Variants in CTNND2 observed in about 807,000 individuals in gnomAD.
CTNND2 encodes catenin delta 2, also known as catenin delta-2.
Under a neutral mutation model 144.4 loss-of-function variants are expected in CTNND2, and 22 were observed. That is an observed-to-expected ratio of 0.15 (90% CI 0.11 to 0.22). CTNND2 has a LOEUF of 0.22. Ranked by LOEUF, CTNND2 falls within the 10% of genes least tolerant of loss-of-function variation. The pLI, the probability that CTNND2 is intolerant of heterozygous loss-of-function variation, is 1.00. For missense variants in CTNND2, 1,353 were observed against 1,618.8 expected, an observed-to-expected ratio of 0.84 and a Z score of 2.82; for synonymous variants, 751 against 695.6, an observed-to-expected ratio of 1.08 and a Z score of -1.25.
At chr5:11,279,866 G>T (rs1218506045) in intron 9 of CTNND2, among the ~76,000 whole-genome samples, 1 of 152,126 alleles carries the variant, frequency 6.6e-6, no homozygotes, top group Admixed American at 6.6e-5. Flanking sequence ...TAAATGTCCA[G>T]ATCTTGCAAG....
intron 3 of CTNND2, among the ~76,000 whole-genome samples, chr5:11,446,456 C>G (rs774709455): frequency 1.3e-5 from 2 of 152,176 alleles, no homozygotes; most frequent in Non-Finnish European, 2.9e-5. Context: ...TTGTACATCA[C>G]AGGATGCTCT....
chr5:11,750,894 T>C (rs935853096), intron 1 of CTNND2, among the ~76,000 whole-genome samples: 3 of 151,872 alleles, frequency 2.0e-5, no homozygotes, highest in African/African-American at 7.2e-5. Flanking sequence ...AAATGAACTA[T>C]GACTATGAAT....
chr5:11,256,792 G>C (rs1404692565), intron 9 of CTNND2, among the ~76,000 whole-genome samples: 2 of 152,078 alleles, frequency 1.3e-5, no homozygotes, highest in Admixed American at 6.5e-5. Flanking sequence ...TAAAAGAGTG[G>C]GCAACATCAG....
intron 11 of CTNND2, among the ~76,000 whole-genome samples, chr5:11,177,327 A>G (rs528358574): frequency 1.7e-4 from 26 of 152,350 alleles, no homozygotes; most frequent in African/African-American, 6.3e-4. Context: ...ATATTCAATT[A>G]TAAAATTCAA....
At chr5:11,389,695 C>T (rs1043387118) in intron 6 of CTNND2, among the ~76,000 whole-genome samples, 1 of 152,184 alleles carries the variant, frequency 6.6e-6, no homozygotes, top group East Asian at 1.9e-4. Flanking sequence ...AATTTACTCA[C>T]TGACTCAATA....
intron 2 of CTNND2, among the ~76,000 whole-genome samples, chr5:11,590,750 C>A (rs1410338844): frequency 6.6e-6 from 1 of 150,992 alleles, no homozygotes; most frequent in South Asian, 2.1e-4. Flanking sequence ...TACTTTGTAA[C>A]ATCCACTCCC....
At chr5:11,369,776 G>A in intron 7 of CTNND2, among the ~76,000 whole-genome samples, 1 of 150,878 alleles carries the variant, frequency 6.6e-6, no homozygotes, top group East Asian at 2.1e-4. Context: ...TGTGGTGTTG[G>A]GATAGGGGGA....
chr5:11,835,748 A>G, intron 1 of CTNND2, among the ~76,000 whole-genome samples: 1 of 152,154 alleles, frequency 6.6e-6, no homozygotes, highest in East Asian at 1.9e-4. Context: ...GATCATTCCA[A>G]TGATCCAGCT....
At chr5:11,827,533 C>T (rs751071340) in intron 1 of CTNND2, among the ~76,000 whole-genome samples, 19 of 152,014 alleles carry the variant, frequency 1.2e-4, no homozygotes, top group Non-Finnish European at 2.6e-4. Context: ...AAAATTGATA[C>T]ATCAGTAGAC....
chr5:11,714,031 T>C (rs1786199158), intron 2 of CTNND2, among the ~76,000 whole-genome samples: 1 of 152,194 alleles, frequency 6.6e-6, no homozygotes, highest in African/African-American at 2.4e-5. Context: ...AACTGTAAAT[T>C]ACATTCTATA....
intron 3 of CTNND2, among the ~76,000 whole-genome samples, chr5:11,427,520 T>C (rs1762889800): frequency 6.6e-6 from 1 of 152,096 alleles, no homozygotes; most frequent in African/African-American, 2.4e-5. Flanking sequence ...CCTCAAGCAA[T>C]CCACCTGCCT....
At chr5:11,434,665 G>T (rs1763599150) in intron 3 of CTNND2, among the ~76,000 whole-genome samples, 1 of 152,154 alleles carries the variant, frequency 6.6e-6, no homozygotes, top group Non-Finnish European at 1.5e-5. Flanking sequence ...GGGGTATGTG[G>T]TAAATCAAGT....
intron 1 of CTNND2, among the ~76,000 whole-genome samples, chr5:11,890,626 T>C (rs1736881061): frequency 6.6e-6 from 1 of 152,232 alleles, no homozygotes; most frequent in Admixed American, 6.5e-5. Context: ...ATGTGTACTA[T>C]ATCAGTAAAT....
At chr5:11,378,128 G>T (rs1356269042) in intron 7 of CTNND2, among the ~76,000 whole-genome samples, 1 of 152,182 alleles carries the variant, frequency 6.6e-6, no homozygotes, top group East Asian at 1.9e-4. Flanking sequence ...GAGGGTAAGT[G>T]GCTGGCTGAA....
intron 3 of CTNND2, among the ~76,000 whole-genome samples, chr5:11,462,889 G>A (rs1039914848): frequency 5.3e-5 from 8 of 151,716 alleles, no homozygotes; most frequent in Non-Finnish European, 1.0e-4. Flanking sequence ...CCTATCAGAA[G>A]CTGCCTCGGC....
At chr5:11,177,830 G>T (rs1173261495) in intron 11 of CTNND2, among the ~76,000 whole-genome samples, 1 of 152,036 alleles carries the variant, frequency 6.6e-6, no homozygotes, top group Non-Finnish European at 1.5e-5. Context: ...ATTTCCTTAG[G>T]TGAATTATGA....
chr5:11,834,905 C>T (rs774852155), intron 1 of CTNND2, among the ~76,000 whole-genome samples: 9 of 152,146 alleles, frequency 5.9e-5, no homozygotes, highest in Non-Finnish European at 8.8e-5. Flanking sequence ...CTTTGGGAGT[C>T]CAGAGCAGGA....
chr5:11,689,549 CAATT>C (rs1784802651), intron 2 of CTNND2, among the ~76,000 whole-genome samples: 1 of 152,114 alleles, frequency 6.6e-6, no homozygotes, highest in South Asian at 2.1e-4. Context: ...GTAAATAAAT[CAATT>C]TGTGAATGCT....
intron 9 of CTNND2, among the ~76,000 whole-genome samples, chr5:11,238,391 A>G (rs573470067): frequency 2.0e-4 from 31 of 152,348 alleles, no homozygotes; most frequent in African/African-American, 7.5e-4. Context: ...TATCAATGCC[A>G]GGTCGATGCT....
Sources: gnomAD v4.1 joint callset for allele counts (sites outside exome capture counted in the v4.1 genomes callset) on GRCh38, gnomAD v4.1.1 for gene constraint, MANE v1.5 for transcripts, NCBI Gene and HGNC (gene_info 2026-07-23, HGNC 2026-07-21) for gene names.